Variants in HIF1AN observed in about 807,000 individuals in gnomAD.
The protein encoded by HIF1AN is hypoxia-inducible factor 1-alpha inhibitor.
HIF1AN carries 21 observed loss-of-function variants against 47.7 expected under a neutral mutation model. That is an observed-to-expected ratio of 0.44 (90% CI 0.31 to 0.63). The LOEUF is 0.63. Among genes scored for constraint, HIF1AN ranks in the 30% least tolerant of loss-of-function variants. HIF1AN has a pLI of 0.07. For synonymous variants in HIF1AN, 152 were observed against 155.9 expected (o/e 0.98, Z 0.18); for missense variants, 320 against 432.7 (o/e 0.74, Z 2.31).
At chr10:100,546,100 C>T (rs766436836) in intron 5 of HIF1AN, 51 bp downstream of exon 5, 1 of 1,197,562 alleles carries the variant, frequency 8.4e-7, no homozygotes. Flanking sequence ...CTTTTCCATT[C>T]CCTGGAAAGC....
chr10:100,555,690 T>C lies in HIF1AN; in HGVS notation c.*7553T>C, dbSNP rs1843209224. 1 of 152,284 alleles carries C rather than the reference T, an allele frequency of 6.6e-6. No individual in the cohort carries two copies. Among genetic ancestry groups the C allele is most frequent in the African/African-American group, 2.4e-5 (1 of 41,464 alleles). 9.4% of individuals were successfully genotyped at this position (152,284 alleles called of 1,614,324 possible). Reference sequence around the variant, plus strand: ...AGTCACCTTGCAGTCACGTCTTTCCTTCTAGATAACTGGCTCTGGGCCTTG... The same window carrying C: ...AGTCACCTTGCAGTCACGTCTTTCCCTCTAGATAACTGGCTCTGGGCCTTG... On this transcript the variant is annotated 3_prime_UTR_variant, in exon 8 of 8. Coordinates refer to ENST00000299163, the MANE Select transcript of HIF1AN (RefSeq NM_017902.3).
chr10:100,540,771 T>C lies in HIF1AN; in HGVS notation c.566T>C (p.Ile189Thr). The C allele has an allele frequency of 6.2e-7, 1 of 1,607,630 alleles. No individual in the cohort carries two copies. The highest frequency in any genetic ancestry group is 8.5e-7 in the Non-Finnish European group (1 of 1,178,362). ...CAGCTTACCTCTAACCTGCTGCTCA[T>C]TGGCATGGAAGGTAAGAAATCTTTC... ...WGQLTSNLLL[I>T]GMEGNVTPAH... Residue 189 changes from isoleucine to threonine, a missense_variant, in exon 3 of 8, where the codon ATT becomes ACT. Around this residue, in one of 2 missense-constraint regions of HIF1AN, gnomAD observed 161 missense variants for 272.8 expected, o/e 0.59. Transcript: ENST00000299163.
In HIF1AN at chr10:100,548,081, G is replaced by T. The variant is rs774834002; in HGVS notation, c.1006-12G>T. ...CAGCCAGTTCTGATTGGCTCCTCAT[G>T]TTTCTTTACAGGTGGGGCCCTTGTT... On this transcript the variant is annotated splice_polypyrimidine_tract_variant and intron_variant, in intron 7 of 7. Coordinates refer to ENST00000299163, the MANE Select transcript of HIF1AN (RefSeq NM_017902.3). 4.3e-5 allele frequency: 70 copies of T among 1,613,778 alleles called. No homozygotes were observed. The highest frequency in any genetic ancestry group is 5.8e-5 in the Non-Finnish European group (69 of 1,179,898).
rs1220320757 is a variant in HIF1AN at position 100,548,932 on chromosome 10, C to G, written c.*795C>G. The G allele has an allele frequency of 6.6e-6, 1 of 152,456 alleles. No homozygotes were observed. The highest frequency in any genetic ancestry group is 1.5e-5 in the Non-Finnish European group (1 of 68,082). 9.4% of individuals were successfully genotyped at this position (152,456 alleles called of 1,614,324 possible). A position where few individuals can be genotyped will look rare whatever the true frequency, so the allele number is the denominator to read the frequency against. On this transcript the variant is annotated 3_prime_UTR_variant, in exon 8 of 8. Transcript: ENST00000299163. ...CAGCTCTTGCCCCTATGCTGGGTAC[C>G]AAGGGAGTTCTCCTAGCTGTGGCTT...
At chr10:100,540,569 T>A (rs1843017179) in intron 2 of HIF1AN, 65 bp from the exon 3 acceptor site, 1 of 1,576,394 alleles carries the variant, frequency 6.3e-7, no homozygotes, top group Non-Finnish European at 8.6e-7. Context: ...TTTTCAGATG[T>A]GGAGAGGCCA....
In HIF1AN at chr10:100,551,247, A is replaced by G. The variant is rs1048152133; in HGVS notation, c.*3110A>G. 6.6e-6 allele frequency: 1 copy of G among 152,228 alleles called. No individual in the cohort carries two copies. The allele number at this position is 152,228 out of a possible 1,614,324, so 9.4% of individuals were successfully genotyped here. On this transcript the variant is annotated 3_prime_UTR_variant, in exon 8 of 8. Coordinates refer to ENST00000299163, the MANE Select transcript of HIF1AN (RefSeq NM_017902.3). ...TTACAAGGTTTTTACCAACGTGAAC[A>G]GTTGGGGGAAGTCGTCTGCTCTCAT...
chr10:100,555,348 T>A lies in HIF1AN; in HGVS notation c.*7211T>A, dbSNP rs1417198397. On this transcript the variant is annotated 3_prime_UTR_variant, in exon 8 of 8. Transcript: ENST00000299163. ...ATTTGTAGCCCTCCACCGTTCTCAT[T>A]TGTGTTCTGGCCTCTGGAGCCACCC... The A allele has an allele frequency of 6.6e-6, 1 of 152,222 alleles. No homozygotes were observed. Among genetic ancestry groups the A allele is most frequent in the Non-Finnish European group, 1.5e-5 (1 of 68,064 alleles). The allele number at this position is 152,222 out of a possible 1,614,324, so 9.4% of individuals were successfully genotyped here.
intron 6 of HIF1AN, among the ~76,000 whole-genome samples, chr10:100,546,880 T>G (rs905654379): frequency 3.3e-5 from 5 of 152,070 alleles, no homozygotes; most frequent in African/African-American, 4.8e-5. Flanking sequence ...GTTGGGATTA[T>G]AGGCACACAC....
At chr10:100,546,673 C>G (rs1288403945) in intron 6 of HIF1AN, 92 bp downstream of exon 6, 6 of 944,466 alleles carry the variant, frequency 6.4e-6, no homozygotes, top group South Asian at 2.7e-5. Flanking sequence ...GGATGGTTGA[C>G]TATCCCTGGA....
rs1463082891 is a variant in HIF1AN, at chr10:100,559,515, C to G, written c.*11378C>G. The G allele has an allele frequency of 6.6e-6, 1 of 152,126 alleles. No homozygotes were observed. The highest frequency in any genetic ancestry group is 1.5e-5 in the Non-Finnish European group (1 of 68,036). The allele number at this position is 152,126 out of a possible 1,614,324, so 9.4% of individuals were successfully genotyped here. ...CTCACTGCAGCCTCAACCTCCTGGA[C>G]TCAAGTGATCCTCCTGCCTCAGCCT... On this transcript the variant is annotated 3_prime_UTR_variant, in exon 8 of 8. Coordinates refer to ENST00000299163, the MANE Select transcript of HIF1AN (RefSeq NM_017902.3).
chr10:100,545,642 G>C (rs1447290852), intron 4 of HIF1AN: 4 of 305,922 alleles, frequency 1.3e-5, no homozygotes, highest in African/African-American at 2.2e-5. Context: ...GAAGGTTTAG[G>C]TGGAGGATAA....
At position 100,535,975 on chromosome 10, in the gene HIF1AN, C is replaced by G. The variant is rs906211591; in HGVS notation, c.17C>G (p.Ala6Gly). The G allele has an allele frequency of 6.4e-7, 1 of 1,550,934 alleles. No homozygotes were observed. The highest frequency in any genetic ancestry group is 1.4e-5 in the African/African-American group (1 of 72,658). The change falls in exon 1 of 8, where the codon GCG (alanine) becomes GGG (glycine). Residue 6 changes from alanine to glycine, a missense_variant. Physicochemically the swap from Ala to Gly is moderately conservative, Grantham distance 60. Coordinates refer to ENST00000299163, the MANE Select transcript of HIF1AN (RefSeq NM_017902.3). Reference sequence around the variant, plus strand: ...GCGGCGGAGATGGCGGCGACAGCGGCGGAGGCTGTGGCCTCTGGCTCTGGA... The same window carrying G: ...GCGGCGGAGATGGCGGCGACAGCGGGGGAGGCTGTGGCCTCTGGCTCTGGA... MAATAAEAVASGSGEP... is the reference protein window; with the variant it reads MAATAGEAVASGSGEP...
chr10:100,547,452 G>T (rs562317875), intron 7 of HIF1AN, among the ~76,000 whole-genome samples: 3 of 152,374 alleles, frequency 2.0e-5, no homozygotes, highest in South Asian at 2.1e-4. Context: ...TTCCATGCTA[G>T]TAGTAATGTT....
At chr10:100,540,531 G>C in intron 2 of HIF1AN, 103 bp from the exon 3 acceptor site, 1 of 1,273,008 alleles carries the variant, frequency 7.9e-7, no homozygotes, top group Non-Finnish European at 1.1e-6. Flanking sequence ...TTCTCTGTGG[G>C]AGATGCTGGT....
intron 3 of HIF1AN, among the ~76,000 whole-genome samples, chr10:100,541,041 C>T (rs924557256): frequency 2.0e-5 from 3 of 151,958 alleles, no homozygotes; most frequent in African/African-American, 7.3e-5. Flanking sequence ...CATGAAACCC[C>T]GTCTCTACTA....
In HIF1AN at chr10:100,548,995, TTGTG is replaced by T. The variant is rs1010676626; in HGVS notation, c.*864_*867del. ...GGGGTGCAAGCCTCTGTGTGTTTGT[TTGTG>T]TGTGTCTGTGTGTGCGTATCCACAC... On this transcript the variant is annotated 3_prime_UTR_variant, in exon 8 of 8. Transcript: ENST00000299163. The T allele has an allele frequency of 4.6e-5, 7 of 152,120 alleles. No homozygotes were observed. The highest frequency in any genetic ancestry group is 1.5e-4 in the African/African-American group (6 of 41,316). 9.4% of individuals were successfully genotyped at this position (152,120 alleles called of 1,614,324 possible). A position where few individuals can be genotyped will look rare whatever the true frequency, so the allele number is the denominator to read the frequency against.
At position 100,549,149 on chromosome 10, in the gene HIF1AN, C is replaced by T. The variant is rs1843130134; in HGVS notation, c.*1012C>T. On this transcript the variant is annotated 3_prime_UTR_variant, in exon 8 of 8. Transcript: ENST00000299163. ...ACTTACCAAGGTTCTCCACTGCTTA[C>T]CTTTTCCAGTGGGACAGTACAGTGT... 1 of 152,416 alleles carries T rather than the reference C, an allele frequency of 6.6e-6. No individual in the cohort carries two copies. Among genetic ancestry groups the T allele is most frequent in the Admixed American group, 6.5e-5 (1 of 15,268 alleles). 9.4% of individuals were successfully genotyped at this position (152,416 alleles called of 1,614,324 possible). A position where few individuals can be genotyped will look rare whatever the true frequency, so the allele number is the denominator to read the frequency against.
intron 7 of HIF1AN, among the ~76,000 whole-genome samples, chr10:100,547,761 C>T (rs996398425): frequency 6.6e-6 from 1 of 152,178 alleles, no homozygotes; most frequent in African/African-American, 2.4e-5. Context: ...GATATGGAGG[C>T]AGTTAACATT....
Position 100,550,556 on chromosome 10 carries a change from T to C in HIF1AN, c.*2419T>C, listed in dbSNP as rs911375423. 1 of 152,334 alleles carries C rather than the reference T, an allele frequency of 6.6e-6. No homozygotes were observed. The allele number at this position is 152,334 out of a possible 1,614,324, so 9.4% of individuals were successfully genotyped here. Reference sequence around the variant, plus strand: ...TACCACAGGTTCTGTCCTCAAGATATCACCCCACTGGGCAGTATCTGAAGG... The same window carrying C: ...TACCACAGGTTCTGTCCTCAAGATACCACCCCACTGGGCAGTATCTGAAGG... On this transcript the variant is annotated 3_prime_UTR_variant, in exon 8 of 8. Coordinates refer to ENST00000299163, the MANE Select transcript of HIF1AN (RefSeq NM_017902.3).
Sources: gnomAD v4.1 joint callset for allele counts (sites outside exome capture counted in the v4.1 genomes callset) on GRCh38, gnomAD v4.1.1 for gene constraint, gnomAD v4.1.1 regional missense constraint, MANE v1.5 for transcripts, NCBI Gene and HGNC (gene_info 2026-07-23, HGNC 2026-07-21) for gene names.